The following ROR1 variants were observed in gnomAD, a reference collection of about 807,000 sequenced individuals.
ROR1 encodes inactive tyrosine-protein kinase transmembrane receptor ROR1.
Under a neutral mutation model 78.8 loss-of-function variants are expected in ROR1, and 19 were observed. The observed-to-expected ratio is 0.24, with a 90% CI of 0.17 to 0.35. The LOEUF (loss-of-function observed/expected upper bound fraction) is 0.35, where lower values mean the gene tolerates loss of function less well. ROR1 is among the 10% of genes least tolerant of loss of function. The pLI is 1.00. For synonymous variants in ROR1, 386 were observed against 433.6 expected, an observed-to-expected ratio of 0.89 and a Z score of 1.36; for missense variants, 917 against 1,177.8, an observed-to-expected ratio of 0.78 and a Z score of 3.24.
intron 7 of ROR1, 84 bp downstream of exon 7, chr1:64,142,734 A>C: frequency 6.4e-7 from 1 of 1,558,684 alleles, no homozygotes; most frequent in Non-Finnish European, 8.7e-7. Context: ...GAATCCTATA[A>C]GGGGGGCAAA....
chr1:64,050,098 C>A, intron 3 of ROR1, 120 bp downstream of exon 3: 2 of 1,135,706 alleles, frequency 1.8e-6, no homozygotes, highest in Non-Finnish European at 2.5e-6. Context: ...TCTGTGCCCA[C>A]AACCCTAAAC....
chr1:63,865,734 C>CT (rs1645211126), intron 1 of ROR1, among the ~76,000 whole-genome samples: 1 of 152,188 alleles, frequency 6.6e-6, no homozygotes, highest in Non-Finnish European at 1.5e-5. Flanking sequence ...AGGTACAGTG[C>CT]TTGGCACATA....
chr1:63,807,322 C>G (rs937660696), intron 1 of ROR1, among the ~76,000 whole-genome samples: 151 of 152,298 alleles, frequency 9.9e-4, no homozygotes, highest in African/African-American at 3.5e-3. Flanking sequence ...GTGCCTGTCT[C>G]TCTGGGGGGA....
At chr1:64,101,432 A>G (rs992555143) in intron 4 of ROR1, among the ~76,000 whole-genome samples, 5 of 152,154 alleles carry the variant, frequency 3.3e-5, no homozygotes, top group Admixed American at 6.5e-5. Flanking sequence ...TAATGCACTA[A>G]ATAACCCATC....
At chr1:63,884,484 C>A (rs1007211652) in intron 1 of ROR1, among the ~76,000 whole-genome samples, 1 of 152,134 alleles carries the variant, frequency 6.6e-6, no homozygotes, top group African/African-American at 2.4e-5. Flanking sequence ...AATGAGGAAA[C>A]AAAGGACTAA....
intron 1 of ROR1, among the ~76,000 whole-genome samples, chr1:63,990,553 A>G (rs1284575060): frequency 6.6e-6 from 1 of 152,200 alleles, no homozygotes; most frequent in African/African-American, 2.4e-5. Flanking sequence ...TTGACATCCA[A>G]GAAGACTTTT....
chr1:64,106,537 A>G lies in ROR1; in HGVS notation c.483-30832A>G, dbSNP rs572593419. 11 of 152,300 alleles carry G rather than the reference A, an allele frequency of 7.2e-5. No individual in the cohort carries two copies. The East Asian group carries it at 1.5e-3, about 21-fold the overall frequency. The allele number at this position is 152,300 out of a possible 1,614,324, so 9.4% of individuals were successfully genotyped here. Reference sequence around the variant, plus strand: ...GAAGAGGGCATCCTTACCTTGTACTAGTATTCAAAGGGAATGCTTCCAGCT... The same window carrying G: ...GAAGAGGGCATCCTTACCTTGTACTGGTATTCAAAGGGAATGCTTCCAGCT... On this transcript the variant is annotated intron_variant, in intron 4 of 8. Transcript: ENST00000371079.
chr1:63,920,593 C>G (rs1229203282), intron 1 of ROR1, among the ~76,000 whole-genome samples: 1 of 152,132 alleles, frequency 6.6e-6, no homozygotes, highest in Non-Finnish European at 1.5e-5. Context: ...AAAAGCAAGA[C>G]GAGAGGCAGA....
intron 1 of ROR1, chr1:63,788,952 A>C (rs927474928): frequency 1.4e-5 from 10 of 713,324 alleles, no homozygotes; most frequent in Non-Finnish European, 2.3e-5. Flanking sequence ...GTGATACATG[A>C]GGTGATCAAT....
intron 1 of ROR1, among the ~76,000 whole-genome samples, chr1:63,923,080 G>A (rs1284422537): frequency 6.6e-6 from 1 of 152,204 alleles, no homozygotes; most frequent in African/African-American, 2.4e-5. Flanking sequence ...GGGCATGTGA[G>A]ATCACGGGGC....
chr1:63,919,857 C>T lies in ROR1; in HGVS notation c.92-89448C>T, dbSNP rs141405446. 4.0e-4 allele frequency among the ~76,000 whole-genome samples: 61 copies of T among 152,218 alleles called. No individual in the cohort carries two copies. The East Asian group carries it at 0.012, about 29-fold the overall frequency. On this transcript the variant is annotated intron_variant, in intron 1 of 8. Coordinates refer to ENST00000371079, the MANE Select transcript of ROR1 (RefSeq NM_005012.4). ...ACTTAAAGCTTCGTCTCAGAATATG[C>T]CTTCTTATGATCTGATAGTAATAGG...
intron 1 of ROR1, among the ~76,000 whole-genome samples, chr1:63,877,792 G>C (rs934671290): frequency 2.6e-5 from 4 of 152,134 alleles, no homozygotes; most frequent in East Asian, 3.9e-4. Flanking sequence ...AGACATTTTG[G>C]GGGGGAAACA....
At chr1:63,949,315 C>T (rs912546538) in intron 1 of ROR1, among the ~76,000 whole-genome samples, 6 of 152,062 alleles carry the variant, frequency 3.9e-5, no homozygotes, top group Non-Finnish European at 7.4e-5. Context: ...TCTTTTTTCC[C>T]ACTCCATTCC....
chr1:63,812,518 A>G (rs1016481552), intron 1 of ROR1, among the ~76,000 whole-genome samples: 5 of 152,176 alleles, frequency 3.3e-5, no homozygotes, highest in Non-Finnish European at 7.3e-5. Context: ...GACTGAATGA[A>G]TGAATGAATG....
At chr1:63,980,329 T>C (rs1488093021) in intron 1 of ROR1, among the ~76,000 whole-genome samples, 1 of 152,112 alleles carries the variant, frequency 6.6e-6, no homozygotes, top group East Asian at 1.9e-4. Context: ...ATATTCTTGA[T>C]GTAGATTCTT....
intron 7 of ROR1, among the ~76,000 whole-genome samples, chr1:64,150,957 G>A (rs1401302858): frequency 6.6e-6 from 1 of 152,232 alleles, no homozygotes; most frequent in Non-Finnish European, 1.5e-5. Flanking sequence ...CACCATGCCA[G>A]TAAGAAGTGC....
intron 1 of ROR1, among the ~76,000 whole-genome samples, chr1:63,852,649 A>G (rs1441072419): frequency 6.6e-6 from 1 of 152,234 alleles, no homozygotes; most frequent in African/African-American, 2.4e-5. Flanking sequence ...CACTAATGCA[A>G]ACCAGTTCCT....
chr1:63,997,831 GTT>G (rs1157586279), intron 1 of ROR1, among the ~76,000 whole-genome samples: 927 of 76,124 alleles, frequency 0.012, 9 homozygotes, highest in African/African-American at 0.027. Flanking sequence ...TATGATTAGT[GTT>G]TTTTTTTTTT....
intron 4 of ROR1, among the ~76,000 whole-genome samples, chr1:64,098,108 A>G (rs1647370392): frequency 6.6e-6 from 1 of 152,160 alleles, no homozygotes; most frequent in African/African-American, 2.4e-5. Flanking sequence ...AGCCCTTTCA[A>G]ATTCGTTCCA....
Sources: allele counts gnomAD v4.1 joint callset (sites outside exome capture counted in the v4.1 genomes callset), GRCh38; gene constraint gnomAD v4.1.1; transcripts MANE v1.5; gene names NCBI Gene and HGNC (gene_info 2026-07-23, HGNC 2026-07-21).